SGSM1: variants seen among roughly 807,000 people sequenced by gnomAD.
SGSM1 encodes the protein RUN and TBC1 domain containing 2.
In SGSM1, 73 loss-of-function variants were observed where a neutral mutation model predicts 133.8. That is an observed-to-expected ratio of 0.55 (90% CI 0.45 to 0.66). The LOEUF (loss-of-function observed/expected upper bound fraction) is 0.66. SGSM1 is among the 30% of genes least tolerant of loss of function. The probability of loss-of-function intolerance (pLI) is 0.00; values close to 1 mark genes in which losing one functional copy is unlikely to be tolerated. For missense variants in SGSM1, 1,213 were observed against 1,448.1 expected (o/e 0.84, Z 2.64); for synonymous variants, 563 against 573.0 (o/e 0.98, Z 0.25).
intron 12 of SGSM1, among the ~76,000 whole-genome samples, chr22:24,871,422 A>G (rs1462746211): frequency 6.6e-6 from 1 of 152,170 alleles, no homozygotes; most frequent in Non-Finnish European, 1.5e-5. Context: ...GTGACCTGAC[A>G]TGGGGCCTGA....
chr22:24,874,473 G>A lies in SGSM1; in HGVS notation c.1292-2104G>A, dbSNP rs755391877. On this transcript the variant is annotated intron_variant, in intron 12 of 24. Transcript: ENST00000400358. ...TCTCTGTGGGCCCTGCCTGGATGAT[G>A]GTTCCTGCAGGCCGGTCCATGCTGG... 7.4e-6 allele frequency: 12 copies of A among 1,613,640 alleles called. No homozygotes were observed. In the Admixed American group the frequency reaches 2.0e-4, roughly 27 times the overall value.
In SGSM1 at chr22:24,817,606, C is replaced by T. The variant is rs529810353; in HGVS notation, c.63+11122C>T. 3.3e-5 allele frequency among the ~76,000 whole-genome samples: 5 copies of T among 152,300 alleles called. No individual in the cohort carries two copies. In the East Asian group the frequency reaches 7.8e-4, roughly 24 times the overall value. On this transcript the variant is annotated intron_variant, in intron 2 of 24. Coordinates refer to ENST00000400358, the MANE Select transcript of SGSM1 (RefSeq NM_001098497.3). ...GACCTCGCGATCTTCCCACCTCAGC[C>T]TCCCCAAGTGCTGGGATTACAGGCG...
chr22:24,924,087 T>G (rs1204064395), intron 24 of SGSM1, 99 bp from the exon 25 acceptor site: 1 of 1,022,080 alleles, frequency 9.8e-7, no homozygotes, highest in African/African-American at 1.6e-5. Flanking sequence ...AGTCAATCTG[T>G]GATGGAGATG....
At chr22:24,848,227 G>C (rs775937390) in intron 4 of SGSM1, among the ~76,000 whole-genome samples, 1 of 151,246 alleles carries the variant, frequency 6.6e-6, no homozygotes, top group Non-Finnish European at 1.5e-5. Flanking sequence ...TCAAGCATCC[G>C]GGCCAGTGTC....
At chr22:24,904,956 A>C (rs1601978008) in intron 20 of SGSM1, 149 bp from the exon 21 acceptor site, 2 of 711,734 alleles carry the variant, frequency 2.8e-6, no homozygotes, top group Non-Finnish European at 5.1e-6. Flanking sequence ...GGATGTTTGA[A>C]GAGAGAGATC....
intron 8 of SGSM1, among the ~76,000 whole-genome samples, chr22:24,857,585 G>A (rs74496004): frequency 0.012 from 1,879 of 152,040 alleles, 34 homozygotes; most frequent in African/African-American, 0.041. Flanking sequence ...TAACACACAG[G>A]GAAAATATCA....
At chr22:24,913,098 T>C (rs1569177433) in intron 22 of SGSM1, among the ~76,000 whole-genome samples, 1 of 151,780 alleles carries the variant, frequency 6.6e-6, no homozygotes, top group Non-Finnish European at 1.5e-5. Context: ...GAAGTGCAAA[T>C]TACTAACACG....
intron 2 of SGSM1, among the ~76,000 whole-genome samples, chr22:24,817,970 G>A (rs6004298): frequency 0.17 from 25,490 of 152,018 alleles, 2,330 homozygotes; most frequent in South Asian, 0.25. Context: ...AGTGGCTCAC[G>A]CCTATAATCC....
At chr22:24,823,519 G>T (rs5752008) in intron 2 of SGSM1, among the ~76,000 whole-genome samples, 93,241 of 151,914 alleles carry the variant, frequency 0.61, 29,483 homozygotes, top group East Asian at 0.92. Flanking sequence ...GAGAATGACG[G>T]GAACCTGGGA....
At chr22:24,922,591 T>C (rs1363259704) in intron 24 of SGSM1, among the ~76,000 whole-genome samples, 1 of 151,158 alleles carries the variant, frequency 6.6e-6, no homozygotes, top group Non-Finnish European at 1.5e-5. Flanking sequence ...TTCTCCTGCC[T>C]TAGCCTCCCA....
chr22:24,845,576 T>G (rs1223300052), intron 3 of SGSM1, among the ~76,000 whole-genome samples: 1 of 152,190 alleles, frequency 6.6e-6, no homozygotes, highest in Non-Finnish European at 1.5e-5. Flanking sequence ...TCTTTCTGTC[T>G]CCCTGAAAAT....
At chr22:24,864,791 G>C (rs1347569834) in intron 9 of SGSM1, among the ~76,000 whole-genome samples, 1 of 152,222 alleles carries the variant, frequency 6.6e-6, no homozygotes, top group African/African-American at 2.4e-5. Flanking sequence ...TCATCAAACT[G>C]TACACTTACA....
intron 12 of SGSM1, among the ~76,000 whole-genome samples, chr22:24,871,323 C>T (rs918868012): frequency 6.6e-6 from 1 of 152,176 alleles, no homozygotes; most frequent in Admixed American, 6.5e-5. Context: ...CTCCGCAGGC[C>T]TCACTTCCTT....
At chr22:24,839,082 G>T (rs1929642496) in intron 2 of SGSM1, among the ~76,000 whole-genome samples, 1 of 152,148 alleles carries the variant, frequency 6.6e-6, no homozygotes, top group Non-Finnish European at 1.5e-5. Context: ...TTGAGATAGA[G>T]TCTTGCTCAT....
chr22:24,914,249 C>T (rs1033771307), intron 22 of SGSM1, among the ~76,000 whole-genome samples: 7 of 148,984 alleles, frequency 4.7e-5, no homozygotes, highest in Non-Finnish European at 1.0e-4. Flanking sequence ...GCTGAGATGG[C>T]GCCACTGCAC....
At chr22:24,917,788 C>T (rs1266049850) in intron 23 of SGSM1, 34 bp downstream of exon 23, 1 of 1,564,956 alleles carries the variant, frequency 6.4e-7, no homozygotes, top group East Asian at 2.2e-5. Flanking sequence ...TGTGTCCAGA[C>T]TCTTTGTAGC....
rs879945476 is a variant in SGSM1 at position 24,881,572 on chromosome 22, AAAAC to A, written c.1495+2050_1495+2053del. Among the ~76,000 whole-genome samples the A allele has an allele frequency of 8.7e-3, 1,308 of 150,288 alleles. 6 individuals carry two copies. The highest frequency in any genetic ancestry group is 0.021 in the Middle Eastern group (6 of 292). Reference sequence around the variant, plus strand: ...CAGAGCGAGACTCCGTCTCAAAAACAAAACAAAACAAAACAAAACAAAAAAAACC... The same window carrying A: ...CAGAGCGAGACTCCGTCTCAAAAACAAAAACAAAACAAAACAAAAAAAACC... On this transcript the variant is annotated intron_variant, in intron 14 of 24. Coordinates refer to ENST00000400358, the MANE Select transcript of SGSM1 (RefSeq NM_001098497.3).
chr22:24,806,667 G>A (rs1194291472), intron 2 of SGSM1, among the ~76,000 whole-genome samples, 183 bp downstream of exon 2: 1 of 152,070 alleles, frequency 6.6e-6, no homozygotes, highest in African/African-American at 2.4e-5. Context: ...TTTGGGGGTG[G>A]GCGTAGGTGT....
intron 2 of SGSM1, among the ~76,000 whole-genome samples, chr22:24,842,487 T>G (rs1158899299): frequency 6.6e-6 from 1 of 152,240 alleles, no homozygotes; most frequent in African/African-American, 2.4e-5. Flanking sequence ...CATGATTCTT[T>G]GAGCCATTCA....
Sources: gnomAD v4.1 joint callset for allele counts (sites outside exome capture counted in the v4.1 genomes callset) on GRCh38, gnomAD v4.1.1 for gene constraint, MANE v1.5 for transcripts, NCBI Gene and HGNC (gene_info 2026-07-23, HGNC 2026-07-21) for gene names.